The following NXPH2 variants were observed in gnomAD, a reference collection of about 807,000 sequenced individuals.
NXPH2 encodes the protein neurexophilin-2.
In NXPH2, 5 loss-of-function variants were observed where a neutral mutation model predicts 19.8. That is an observed-to-expected ratio of 0.25 (90% CI 0.13 to 0.53). NXPH2 has a LOEUF of 0.53. NXPH2 is among the 20% of genes least tolerant of loss of function. NXPH2 has a pLI of 0.96. For missense variants in NXPH2, 289 were observed against 322.8 expected, an observed-to-expected ratio of 0.90 and a Z score of 0.80; for synonymous variants, 154 against 127.4, an observed-to-expected ratio of 1.21 and a Z score of -1.41.
chr2:138,754,998 T>C (rs1441308450), intron 1 of NXPH2, among the ~76,000 whole-genome samples: 1 of 152,170 alleles, frequency 6.6e-6, no homozygotes, highest in Non-Finnish European at 1.5e-5. Context: ...TGTTTATGTG[T>C]TATCAGTACA....
At chr2:138,680,364 G>T (rs910070236) in intron 1 of NXPH2, among the ~76,000 whole-genome samples, 1 of 152,238 alleles carries the variant, frequency 6.6e-6, no homozygotes, top group Non-Finnish European at 1.5e-5. Context: ...CTGCACCCCA[G>T]AGAAGTGAGG....
intron 1 of NXPH2, among the ~76,000 whole-genome samples, chr2:138,739,055 A>T (rs1468584247): frequency 1.3e-5 from 2 of 152,194 alleles, no homozygotes; most frequent in African/African-American, 4.8e-5. Flanking sequence ...GTTAAAATCC[A>T]CCATGGATGT....
At chr2:138,775,552 T>C (rs749109357) in intron 1 of NXPH2, among the ~76,000 whole-genome samples, 8 of 152,126 alleles carry the variant, frequency 5.3e-5, no homozygotes, top group Non-Finnish European at 7.4e-5. Flanking sequence ...AAAATACTTA[T>C]GACGAAATAG....
chr2:138,737,278 G>A (rs189440059), intron 1 of NXPH2, among the ~76,000 whole-genome samples: 1 of 152,256 alleles, frequency 6.6e-6, no homozygotes, highest in African/African-American at 2.4e-5. Flanking sequence ...CACATAGCTG[G>A]GGAGGCCTCA....
At position 138,780,375 on chromosome 2, in the gene NXPH2, C is replaced by A; in HGVS notation, c.-134G>T. 1 of 228,820 alleles carries A rather than the reference C, an allele frequency of 4.4e-6. No homozygotes were observed. Among genetic ancestry groups the A allele is most frequent in the South Asian group, 4.6e-5 (1 of 21,760 alleles). The allele number at this position is 228,820 out of a possible 1,614,324, so 14.2% of individuals were successfully genotyped here. Reference sequence around the variant, plus strand: ...CCCTCCCGGAATCCGAGCGCTGCGCCGTGCCGCGCAGCTCTGGCCGGGTGG... The same window carrying A: ...CCCTCCCGGAATCCGAGCGCTGCGCAGTGCCGCGCAGCTCTGGCCGGGTGG... On this transcript the variant is annotated 5_prime_UTR_variant, in exon 1 of 2. Transcript: ENST00000272641.
Position 138,758,507 on chromosome 2 carries a change from T to C in NXPH2, c.51+21684A>G, listed in dbSNP as rs545524215. Among the ~76,000 whole-genome samples the C allele has an allele frequency of 2.6e-5, 4 of 152,346 alleles. No individual in the cohort carries two copies. The South Asian group carries it at 8.3e-4, about 32-fold the overall frequency. On this transcript the variant is annotated intron_variant, in intron 1 of 1. Transcript: ENST00000272641. ...AGGAAGAACCAAGACTAAAGTTCAA[T>C]TTCCTGCTCCCAAGCCAGTGTTCCA... is the stretch of plus-strand genomic sequence containing the variant.
At chr2:138,691,804 C>T (rs1220952977) in intron 1 of NXPH2, among the ~76,000 whole-genome samples, 1 of 152,134 alleles carries the variant, frequency 6.6e-6, no homozygotes, top group Non-Finnish European at 1.5e-5. Flanking sequence ...TTGAGCCTTC[C>T]AGATCAGTTC....
At chr2:138,763,694 A>G (rs989755411) in intron 1 of NXPH2, among the ~76,000 whole-genome samples, 1 of 152,180 alleles carries the variant, frequency 6.6e-6, no homozygotes, top group Non-Finnish European at 1.5e-5. Flanking sequence ...GTCCCAAAGG[A>G]TCTTTATGAC....
chr2:138,720,101 G>C (rs551767475), intron 1 of NXPH2, among the ~76,000 whole-genome samples: 1 of 151,670 alleles, frequency 6.6e-6, no homozygotes, highest in South Asian at 2.1e-4. Flanking sequence ...AAATGTTCTG[G>C]GATTAGATGA....
chr2:138,780,232 G>C lies in NXPH2; in HGVS notation c.10C>G (p.Arg4Gly). 2 of 1,458,840 alleles carry C rather than the reference G, an allele frequency of 1.4e-6. No homozygotes were observed. The highest frequency in any genetic ancestry group is 1.8e-6 in the Non-Finnish European group (2 of 1,114,958). The allele number at this position is 1,458,840 out of a possible 1,614,324, so 90.4% of individuals were successfully genotyped here. MRLRPLPLVVVPGL... is the reference protein window; with the variant it reads MRLGPLPLVVVPGL... ...GGGACCACCACGAGGGGCAGCGGCC[G>C]CAGGCGCATGGTGCCGGCTGGCGCG... Residue 4 changes from arginine to glycine, a missense_variant, in exon 1 of 2, where the codon CGG becomes GGG. Physicochemically the swap from Arg to Gly is moderately radical, Grantham distance 125. Coordinates refer to ENST00000272641, the MANE Select transcript of NXPH2 (RefSeq NM_007226.3).
At chr2:138,721,186 C>A in intron 1 of NXPH2, among the ~76,000 whole-genome samples, 1 of 151,960 alleles carries the variant, frequency 6.6e-6, no homozygotes, top group African/African-American at 2.4e-5. Flanking sequence ...ACTAAAAATG[C>A]AAAAATTAGC....
In NXPH2 at chr2:138,731,322, G is replaced by C. The variant is rs907237030; in HGVS notation, c.51+48869C>G. Reference sequence around the variant, plus strand: ...ACTGAAAGCAAACTGATAGGATTTAGGAAAAGCTCGGTCAAATTTAAGCAA... The same window carrying C: ...ACTGAAAGCAAACTGATAGGATTTACGAAAAGCTCGGTCAAATTTAAGCAA... On this transcript the variant is annotated intron_variant, in intron 1 of 1. Transcript: ENST00000272641. 3.3e-5 allele frequency among the ~76,000 whole-genome samples: 5 copies of C among 151,980 alleles called. No homozygotes were observed. In the East Asian group the frequency reaches 9.6e-4, roughly 29 times the overall value.
intron 1 of NXPH2, among the ~76,000 whole-genome samples, chr2:138,733,187 C>A (rs984525713): frequency 6.6e-6 from 1 of 152,196 alleles, no homozygotes; most frequent in African/African-American, 2.4e-5. Flanking sequence ...GAGAAATTCC[C>A]TTGAAGCTGT....
intron 1 of NXPH2, among the ~76,000 whole-genome samples, chr2:138,707,768 C>T (rs1681040160): frequency 6.6e-6 from 1 of 152,200 alleles, no homozygotes; most frequent in African/African-American, 2.4e-5. Flanking sequence ...ATCCAAGTGC[C>T]AGGTCTTAAA....
At chr2:138,693,513 A>G (rs2104977410) in intron 1 of NXPH2, among the ~76,000 whole-genome samples, 1 of 152,302 alleles carries the variant, frequency 6.6e-6, no homozygotes, top group East Asian at 1.9e-4. Context: ...GAATTTCTGC[A>G]GTATCCTCCA....
At chr2:138,714,749 TC>T (rs1229515369) in intron 1 of NXPH2, among the ~76,000 whole-genome samples, 1 of 152,224 alleles carries the variant, frequency 6.6e-6, no homozygotes, top group African/African-American at 2.4e-5. Context: ...CTAATTTGTT[TC>T]AACGGATTCA....
intron 1 of NXPH2, among the ~76,000 whole-genome samples, chr2:138,675,556 AT>A (rs1680474010): frequency 1.3e-5 from 2 of 152,244 alleles, no homozygotes; most frequent in Admixed American, 1.3e-4. Context: ...TTACTGAGAT[AT>A]TTTCAAAGAT....
chr2:138,675,074 G>T (rs1007098058), intron 1 of NXPH2, among the ~76,000 whole-genome samples: 1 of 152,052 alleles, frequency 6.6e-6, no homozygotes, highest in Admixed American at 6.6e-5. Context: ...TTAAAAATAT[G>T]TCTTGATTCT....
chr2:138,699,007 A>C (rs1680876662), intron 1 of NXPH2, among the ~76,000 whole-genome samples: 1 of 152,216 alleles, frequency 6.6e-6, no homozygotes, highest in Middle Eastern at 3.2e-3. Context: ...TTGGATTCTT[A>C]GCATACCAGG....
Sources: gnomAD v4.1 joint callset for allele counts (sites outside exome capture counted in the v4.1 genomes callset) on GRCh38, gnomAD v4.1.1 for gene constraint, MANE v1.5 for transcripts, NCBI Gene and HGNC (gene_info 2026-07-23, HGNC 2026-07-21) for gene names.